Variants in TSPAN9 observed in about 807,000 individuals in gnomAD.
The protein encoded by TSPAN9 is tetraspanin 9.
Under a neutral mutation model 31.0 loss-of-function variants are expected in TSPAN9, and 16 were observed. The observed-to-expected ratio is 0.52, with a 90% CI of 0.35 to 0.78. TSPAN9 has a LOEUF of 0.78. TSPAN9 is among the 30% of genes least tolerant of loss of function. The pLI is 0.01. For synonymous variants in TSPAN9, 145 were observed against 121.6 expected, an observed-to-expected ratio of 1.19 and a Z score of -1.27; for missense variants, 272 against 312.5, an observed-to-expected ratio of 0.87 and a Z score of 0.98.
intron 4 of TSPAN9, 139 bp from the exon 5 acceptor site, chr12:3,278,853 T>C (rs752596888): frequency 9.1e-6 from 9 of 986,452 alleles, no homozygotes; most frequent in Non-Finnish European, 1.4e-5. Flanking sequence ...CCTAGCTATC[T>C]GGGTTTCCTC....
intron 5 of TSPAN9, 127 bp downstream of exon 5, chr12:3,279,193 C>A: frequency 1.2e-6 from 1 of 865,254 alleles, no homozygotes; most frequent in Non-Finnish European, 1.9e-6. Flanking sequence ...CAGAAAGGAA[C>A]ATGGAACCAA....
chr12:3,272,762 C>T (rs913495542), intron 3 of TSPAN9: 2 of 152,264 alleles, frequency 1.3e-5, no homozygotes, highest in Non-Finnish European at 2.9e-5. Flanking sequence ...GGTGGAGAAG[C>T]TCAGGACGGG....
chr12:3,113,183 C>T lies in TSPAN9; in HGVS notation c.-18+29464C>T, dbSNP rs538900851. On this transcript the variant is annotated intron_variant, in intron 2 of 8. Transcript: ENST00000011898. ...AAGAGCCCATCAAGGGAATACATGT[C>T]TGTTGGGTAGCGGGAAGTGTGGTGG... Among the ~76,000 whole-genome samples the T allele has an allele frequency of 2.2e-4, 34 of 152,246 alleles. No individual in the cohort carries two copies. In the South Asian group the frequency reaches 6.4e-3, roughly 29 times the overall value.
At chr12:3,210,083 C>T (rs901464594) in intron 3 of TSPAN9, among the ~76,000 whole-genome samples, 11 of 145,770 alleles carry the variant, frequency 7.5e-5, no homozygotes, top group African/African-American at 1.0e-4. Flanking sequence ...TTGCAGTAGC[C>T]GAGATCGCGC....
At chr12:3,240,713 T>C (rs76065061) in intron 3 of TSPAN9, among the ~76,000 whole-genome samples, 15,925 of 152,274 alleles carry the variant, frequency 0.1, 907 homozygotes, top group Middle Eastern at 0.15. Flanking sequence ...AGCCTGTCTC[T>C]GCTGCACTGT....
intron 2 of TSPAN9, among the ~76,000 whole-genome samples, chr12:3,096,075 G>T (rs1455702174): frequency 1.3e-5 from 2 of 152,050 alleles, no homozygotes; most frequent in African/African-American, 2.4e-5. Context: ...GGCAAAGACT[G>T]AGACAGCTCC....
intron 3 of TSPAN9, among the ~76,000 whole-genome samples, chr12:3,226,718 A>G (rs865846015): frequency 0.025 from 385 of 15,314 alleles, 34 homozygotes; most frequent in African/African-American, 0.072. Flanking sequence ...ATGTGTATGT[A>G]TGTGTGTGTG....
Position 3,178,000 on chromosome 12 carries a change from C to T in TSPAN9, c.-17-23177C>T, listed in dbSNP as rs73035906. 9.2e-3 allele frequency among the ~76,000 whole-genome samples: 1,403 copies of T among 152,312 alleles called. 7 individuals carry two copies. Among genetic ancestry groups the T allele is most frequent in the Non-Finnish European group, 0.015 (1,008 of 68,042 alleles). On this transcript the variant is annotated intron_variant, in intron 2 of 8. Transcript: ENST00000011898. ...AGATGGTTAGCCCCTGGCCCTCAGT[C>T]GTGCAGGTTTCTGTTCTGCAGGTGG...
Position 3,211,917 on chromosome 12 carries a change from T to A in TSPAN9, c.63+10661T>A. The A allele has an allele frequency of 2.0e-6, 3 of 1,504,156 alleles. No individual in the cohort carries two copies. The South Asian group carries it at 3.4e-5, about 17-fold the overall frequency. 93.2% of individuals were successfully genotyped at this position (1,504,156 alleles called of 1,614,324 possible). ...TGAAGGAGATCCTTTGCGAGAGGCA[T>A]GTTCTCGTGTGCGTAGGTCGTCACC... is the stretch of plus-strand genomic sequence containing the variant. On this transcript the variant is annotated intron_variant, in intron 3 of 8. Coordinates refer to ENST00000011898, the MANE Select transcript of TSPAN9 (RefSeq NM_006675.5).
intron 2 of TSPAN9, among the ~76,000 whole-genome samples, chr12:3,158,275 G>A (rs1012818027): frequency 6.6e-6 from 1 of 152,166 alleles, no homozygotes; most frequent in Non-Finnish European, 1.5e-5. Flanking sequence ...TGTTCAGTCT[G>A]TCTGCTGCCT....
chr12:3,114,058 C>T (rs910349748), intron 2 of TSPAN9, among the ~76,000 whole-genome samples: 2 of 152,350 alleles, frequency 1.3e-5, no homozygotes, highest in Admixed American at 1.3e-4. Context: ...ATCATCCCTT[C>T]TCCTCTCCTG....
intron 3 of TSPAN9, among the ~76,000 whole-genome samples, chr12:3,255,729 G>C (rs1862332785): frequency 6.6e-6 from 1 of 152,252 alleles, no homozygotes; most frequent in South Asian, 2.1e-4. Context: ...AGAATATGGT[G>C]AGTATCTTTC....
At chr12:3,282,760 C>T (rs1156726243) in intron 8 of TSPAN9, among the ~76,000 whole-genome samples, 32 of 152,216 alleles carry the variant, frequency 2.1e-4, no homozygotes, top group Admixed American at 2.1e-3. Context: ...GCATTCCGTG[C>T]CTGCAGCGCC....
At chr12:3,223,031 C>T (rs1303228706) in intron 3 of TSPAN9, among the ~76,000 whole-genome samples, 2 of 152,212 alleles carry the variant, frequency 1.3e-5, no homozygotes, top group Non-Finnish European at 2.9e-5. Flanking sequence ...CCTGCAGGAG[C>T]CGAGTGCCTG....
intron 3 of TSPAN9, among the ~76,000 whole-genome samples, chr12:3,219,949 G>A (rs2098383462): frequency 6.6e-6 from 1 of 151,838 alleles, no homozygotes; most frequent in Non-Finnish European, 1.5e-5. Context: ...GAGGTCAGGA[G>A]TTCGAGACTA....
At position 3,118,810 on chromosome 12, in the gene TSPAN9, T is replaced by C. The variant is rs547035651; in HGVS notation, c.-18+35091T>C. ...GCCTAGTTTCATCATCTGTGACCTGTGGAAAACATTTACGCCTCCTTTTCT... is the reference window on the plus strand; with the variant it reads ...GCCTAGTTTCATCATCTGTGACCTGCGGAAAACATTTACGCCTCCTTTTCT... On this transcript the variant is annotated intron_variant, in intron 2 of 8. Coordinates refer to ENST00000011898, the MANE Select transcript of TSPAN9 (RefSeq NM_006675.5). Among the ~76,000 whole-genome samples the C allele has an allele frequency of 1.1e-4, 17 of 152,232 alleles. No homozygotes were observed. In the East Asian group the frequency reaches 3.3e-3, roughly 29 times the overall value.
At chr12:3,225,540 A>G (rs1482707766) in intron 3 of TSPAN9, among the ~76,000 whole-genome samples, 1 of 152,118 alleles carries the variant, frequency 6.6e-6, no homozygotes, top group Admixed American at 6.5e-5. Context: ...GTTTTCAGGC[A>G]GCTGCCAACC....
At chr12:3,175,109 AGGGCGAGGCTGGG>A (rs148442471) in intron 2 of TSPAN9, among the ~76,000 whole-genome samples, 11,992 of 152,190 alleles carry the variant, frequency 0.079, 616 homozygotes, top group Non-Finnish European at 0.12. Flanking sequence ...CGACCCCTGC[AGGGCGAGGCTGGG>A]GGCATCATTT....
At chr12:3,093,130 T>C (rs544379545) in intron 2 of TSPAN9, among the ~76,000 whole-genome samples, 4 of 152,360 alleles carry the variant, frequency 2.6e-5, no homozygotes, top group Non-Finnish European at 5.9e-5. Context: ...TTTGGGATGC[T>C]GACACGAATT....
Sources: gnomAD v4.1 joint callset for allele counts (sites outside exome capture counted in the v4.1 genomes callset) on GRCh38, gnomAD v4.1.1 for gene constraint, MANE v1.5 for transcripts, NCBI Gene and HGNC (gene_info 2026-07-23, HGNC 2026-07-21) for gene names.